Variants in GNG2 observed in about 807,000 individuals in gnomAD.
GNG2 encodes guanine nucleotide-binding protein G(I)/G(S)/G(O) subunit gamma-2.
Under a neutral mutation model 5.5 loss-of-function variants are expected in GNG2, and 5 were observed. That is an observed-to-expected ratio of 0.91 (90% CI 0.48 to 1.92). The LOEUF (loss-of-function observed/expected upper bound fraction) is 1.92. GNG2 is among the 30% of genes most tolerant of loss of function. The pLI, the probability that GNG2 is intolerant of heterozygous loss-of-function variation, is 0.01. For synonymous variants in GNG2, 28 were observed against 32.0 expected (o/e 0.88, Z 0.42); for missense variants, 55 against 88.4 (o/e 0.62, Z 1.52).
At chr14:51,844,014 A>T (rs1236188673) in intron 2 of GNG2, among the ~76,000 whole-genome samples, 1 of 152,188 alleles carries the variant, frequency 6.6e-6, no homozygotes, top group Non-Finnish European at 1.5e-5. Flanking sequence ...GGCAAAGGAA[A>T]TGTATCTCCT....
intron 2 of GNG2, among the ~76,000 whole-genome samples, chr14:51,849,756 G>A (rs964819442): frequency 6.7e-6 from 1 of 149,086 alleles, no homozygotes; most frequent in Admixed American, 6.7e-5. Flanking sequence ...ATAAATATTT[G>A]TATATTCAAA....
intron 2 of GNG2, among the ~76,000 whole-genome samples, chr14:51,898,167 T>G (rs1203539046): frequency 1.3e-5 from 2 of 152,342 alleles, no homozygotes; most frequent in Non-Finnish European, 2.9e-5. Flanking sequence ...AGTGGCATTA[T>G]TCCAACCATG....
intron 2 of GNG2, among the ~76,000 whole-genome samples, chr14:51,949,655 A>G (rs1005971068): frequency 6.6e-6 from 1 of 152,212 alleles, no homozygotes; most frequent in African/African-American, 2.4e-5. Context: ...TGCTTTATCC[A>G]ATAGGATATC....
intron 2 of GNG2, among the ~76,000 whole-genome samples, chr14:51,839,189 G>A (rs773955591): frequency 2.0e-5 from 3 of 152,176 alleles, no homozygotes; most frequent in South Asian, 2.1e-4. Flanking sequence ...ATATGTCCAC[G>A]GTGGTCAGGG....
intron 3 of GNG2, chr14:51,951,960 A>G: frequency 2.9e-6 from 2 of 692,546 alleles, no homozygotes; most frequent in Non-Finnish European, 5.2e-6. Context: ...AGAGAGCTCT[A>G]TAAAAGGACC....
intron 2 of GNG2, among the ~76,000 whole-genome samples, chr14:51,854,334 A>G (rs1386335162): frequency 6.6e-6 from 1 of 152,002 alleles, no homozygotes; most frequent in Non-Finnish European, 1.5e-5. Context: ...CTGGTGGAGG[A>G]AGGGTTTGGA....
At chr14:51,957,094 C>T (rs1889318891) in intron 3 of GNG2, among the ~76,000 whole-genome samples, 2 of 151,674 alleles carry the variant, frequency 1.3e-5, no homozygotes, top group Non-Finnish European at 1.5e-5. Context: ...AGGATTTCAG[C>T]AATTGCTAAT....
At chr14:51,857,990 T>G (rs1031582884), upstream of GNG2, among the ~76,000 whole-genome samples, 1 of 152,212 alleles carries the variant, frequency 6.6e-6, no homozygotes. Context: ...TACCAGTAGA[T>G]GTAAGAAATA....
intron 1 of GNG2, among the ~76,000 whole-genome samples, chr14:51,870,222 T>C (rs1566654957): frequency 6.6e-6 from 1 of 151,846 alleles, no homozygotes; most frequent in Non-Finnish European, 1.5e-5. Context: ...CCTGCACGTG[T>C]ACCCCTGAAC....
chr14:51,935,331 A>C (rs1283621210), intron 2 of GNG2, among the ~76,000 whole-genome samples: 2 of 152,126 alleles, frequency 1.3e-5, no homozygotes, highest in Non-Finnish European at 2.9e-5. Context: ...AGCCCAGCCC[A>C]GTTTCTTTAA....
At chr14:51,884,869 G>A (rs1196690746) in intron 2 of GNG2, among the ~76,000 whole-genome samples, 6 of 152,204 alleles carry the variant, frequency 3.9e-5, no homozygotes, top group African/African-American at 1.4e-4. Flanking sequence ...GGTTCAGAGG[G>A]TGGGCCTGCC....
intron 2 of GNG2, among the ~76,000 whole-genome samples, chr14:51,837,929 A>G (rs948468943): frequency 3.9e-5 from 6 of 152,110 alleles, no homozygotes; most frequent in Admixed American, 1.3e-4. Context: ...CATTGCTCCT[A>G]TGAGTTAACT....
intron 2 of GNG2, among the ~76,000 whole-genome samples, chr14:51,946,233 T>C (rs74051366): frequency 0.018 from 2,787 of 152,306 alleles, 98 homozygotes; most frequent in African/African-American, 0.062. Flanking sequence ...ATTGGAATTT[T>C]GTGATTCACG....
chr14:51,929,721 C>T lies in GNG2; in HGVS notation c.-29-20929C>T, dbSNP rs533289198. On this transcript the variant is annotated intron_variant, in intron 2 of 3. Coordinates refer to ENST00000556766, the MANE Select transcript of GNG2 (RefSeq NM_053064.5). Reference sequence around the variant, plus strand: ...TTTAAGGATGAAATAAAACTGAATCCGTTTGCCACAGGAGCTTTCTTGATC... The same window carrying T: ...TTTAAGGATGAAATAAAACTGAATCTGTTTGCCACAGGAGCTTTCTTGATC... Among the ~76,000 whole-genome samples, 14 of 152,112 alleles carry T rather than the reference C, an allele frequency of 9.2e-5. No individual in the cohort carries two copies. The East Asian group carries it at 1.2e-3, about 13-fold the overall frequency.
chr14:51,952,254 C>A (rs2140287701), intron 3 of GNG2: 1 of 223,686 alleles, frequency 4.5e-6, no homozygotes, highest in Non-Finnish European at 8.7e-6. Context: ...AGTAATGGAC[C>A]ACAGGATTTA....
intron 2 of GNG2, among the ~76,000 whole-genome samples, chr14:51,920,500 A>G (rs557718048): frequency 1.1e-4 from 17 of 152,154 alleles, no homozygotes; most frequent in African/African-American, 3.9e-4. Flanking sequence ...TTTTCAATCT[A>G]TGGTTGGTTG....
intron 2 of GNG2, among the ~76,000 whole-genome samples, chr14:51,841,077 G>T (rs918505727): frequency 1.3e-5 from 2 of 152,118 alleles, no homozygotes; most frequent in Non-Finnish European, 2.9e-5. Flanking sequence ...TACTATGATT[G>T]GTCAGTTTAG....
intron 2 of GNG2, among the ~76,000 whole-genome samples, chr14:51,928,956 C>T (rs755436973): frequency 6.6e-6 from 1 of 152,144 alleles, no homozygotes; most frequent in Non-Finnish European, 1.5e-5. Context: ...GATGTGCTTT[C>T]GTTGTTCTCA....
intron 2 of GNG2, among the ~76,000 whole-genome samples, chr14:51,908,569 T>C (rs894691329): frequency 6.6e-6 from 1 of 151,294 alleles, no homozygotes; most frequent in African/African-American, 2.4e-5. Context: ...TATCCATATA[T>C]ATAGAGAGAG....
Sources: allele counts gnomAD v4.1 joint callset (sites outside exome capture counted in the v4.1 genomes callset), GRCh38; gene constraint gnomAD v4.1.1; transcripts MANE v1.5; gene names NCBI Gene and HGNC (gene_info 2026-07-23, HGNC 2026-07-21).